PLCB4: variants seen among roughly 807,000 people sequenced by gnomAD.
The protein encoded by PLCB4 is phospholipase C beta 4, also known as 1-phosphatidylinositol 4,5-bisphosphate phosphodiesterase beta-4.
In PLCB4, 77 loss-of-function variants were observed where a neutral mutation model predicts 178.8. That is an observed-to-expected ratio of 0.43 (90% confidence interval 0.36 to 0.52). The LOEUF is 0.52. Ranked by LOEUF, PLCB4 falls within the 20% of genes least tolerant of loss-of-function variation. PLCB4 has a pLI of 0.00. For synonymous variants in PLCB4, 496 were observed against 490.8 expected, an observed-to-expected ratio of 1.01 and a Z score of -0.14; for missense variants, 1,024 against 1,453.4, an observed-to-expected ratio of 0.70 and a Z score of 4.80.
intron 2 of PLCB4, among the ~76,000 whole-genome samples, chr20:9,127,517 G>A (rs1188903874): frequency 6.6e-6 from 1 of 152,040 alleles, no homozygotes; most frequent in Non-Finnish European, 1.5e-5. Flanking sequence ...TTCTATGGAT[G>A]GTTTTCCTTG....
chr20:9,323,638 C>T (rs573885225), intron 4 of PLCB4, among the ~76,000 whole-genome samples: 1 of 152,318 alleles, frequency 6.6e-6, no homozygotes, highest in African/African-American at 2.4e-5. Flanking sequence ...GCCAGAGACA[C>T]TATCTGTGGC....
chr20:9,294,233 G>C (rs1468605819), intron 3 of PLCB4, among the ~76,000 whole-genome samples: 1 of 152,138 alleles, frequency 6.6e-6, no homozygotes, highest in Non-Finnish European at 1.5e-5. Flanking sequence ...GTAACTGCTT[G>C]AAGTTATTTA....
intron 25 of PLCB4, among the ~76,000 whole-genome samples, chr20:9,413,384 G>A (rs1210111912): frequency 2.0e-5 from 3 of 150,000 alleles, no homozygotes; most frequent in African/African-American, 2.5e-5. Context: ...AGGCCGAGGC[G>A]GGCAGTGGCT....
chr20:9,361,554 G>A (rs1255714849), intron 7 of PLCB4, among the ~76,000 whole-genome samples: 1 of 152,168 alleles, frequency 6.6e-6, no homozygotes, highest in Non-Finnish European at 1.5e-5. Flanking sequence ...TTCTGGAGAT[G>A]GCTGGTTATG....
chr20:9,393,771 T>C, intron 18 of PLCB4, 93 bp downstream of exon 18: 1 of 822,362 alleles, frequency 1.2e-6, no homozygotes, highest in Middle Eastern at 2.3e-4. Flanking sequence ...AAACCACTGA[T>C]TTTTGGGGGA....
Position 9,411,073 on chromosome 20 carries a change from A to G in PLCB4, c.2036A>G (p.Tyr679Cys). The G allele has an allele frequency of 1.2e-6, 2 of 1,609,800 alleles. No individual in the cohort carries two copies. Among genetic ancestry groups the G allele is most frequent in the Non-Finnish European group, 1.7e-6 (2 of 1,176,154 alleles). The stretch of plus-strand genomic sequence containing the variant: ...CAATTGAATCAGGGAAAATTTGAGT[A>G]TAATGGATCGTGCGGGTGAGTAATA... ...AMQLNQGKFEYNGSCGYLLKP... is the reference protein window; with the variant it reads ...AMQLNQGKFECNGSCGYLLKP... The change falls in exon 25 of 40, where the codon TAT (tyrosine) becomes TGT (cysteine). Residue 679 changes from tyrosine (Y) to cysteine (C), a missense_variant. By Grantham distance (194) the Tyr-to-Cys change is radical (BLOSUM62 -2). Around this residue, in one of 7 missense-constraint regions of PLCB4, gnomAD observed 227 missense variants for 374.3 expected, o/e 0.61. Coordinates refer to ENST00000378473, the MANE Select transcript of PLCB4 (RefSeq NM_001377142.1).
chr20:9,141,954 A>G (rs576695489), intron 2 of PLCB4, among the ~76,000 whole-genome samples: 3 of 152,220 alleles, frequency 2.0e-5, no homozygotes, highest in African/African-American at 7.2e-5. Flanking sequence ...TTCACACACC[A>G]AAGGCAGTGA....
chr20:9,281,284 C>T (rs1296097242), intron 3 of PLCB4, among the ~76,000 whole-genome samples: 1 of 151,864 alleles, frequency 6.6e-6, no homozygotes, highest in African/African-American at 2.4e-5. Context: ...TATACAGATT[C>T]AATGTGAAAG....
At chr20:9,376,093 T>C (rs1053199044) in intron 12 of PLCB4, among the ~76,000 whole-genome samples, 1 of 152,100 alleles carries the variant, frequency 6.6e-6, no homozygotes, top group Non-Finnish European at 1.5e-5. Context: ...ATCCATGCAA[T>C]CAACACTGAC....
chr20:9,233,378 C>A (rs916133085), intron 3 of PLCB4, among the ~76,000 whole-genome samples: 1 of 151,864 alleles, frequency 6.6e-6, no homozygotes, highest in African/African-American at 2.4e-5. Context: ...GAGCAATGTA[C>A]AAAGACACAT....
intron 3 of PLCB4, among the ~76,000 whole-genome samples, chr20:9,296,795 G>A (rs1601677489): frequency 6.6e-6 from 1 of 152,060 alleles, no homozygotes; most frequent in Non-Finnish European, 1.5e-5. Context: ...ACTTATAGGT[G>A]GGAATTGAAC....
chr20:9,252,469 GAAA>G lies in PLCB4; in HGVS notation c.-16+35019_-16+35021del, dbSNP rs575399095. Among the ~76,000 whole-genome samples, 200 of 152,322 alleles carry G rather than the reference GAAA, an allele frequency of 1.3e-3. 1 individual carries two copies. Among genetic ancestry groups the G allele is most frequent in the African/African-American group, 4.6e-3 (190 of 41,564 alleles). ...ATTTAGATTTAATGTGGGAACTTTA[GAAA>G]ATACTGTTGCCTGCACCCTATCCCA... On this transcript the variant is annotated intron_variant, in intron 3 of 39. Coordinates refer to ENST00000378473, the MANE Select transcript of PLCB4 (RefSeq NM_001377142.1).
intron 1 of PLCB4, among the ~76,000 whole-genome samples, chr20:9,079,087 T>G (rs2090020291): frequency 6.6e-6 from 1 of 152,220 alleles, no homozygotes; most frequent in South Asian, 2.1e-4. Flanking sequence ...ACCTTGCATA[T>G]TCAAGAAAGT....
At chr20:9,391,598 C>A (rs1016120238) in intron 17 of PLCB4, among the ~76,000 whole-genome samples, 1 of 152,134 alleles carries the variant, frequency 6.6e-6, no homozygotes, top group Admixed American at 6.5e-5. Context: ...TCCTTTGTCC[C>A]CCTTCCTTCT....
intron 28 of PLCB4, among the ~76,000 whole-genome samples, chr20:9,428,223 TA>T (rs1434437356): frequency 6.6e-6 from 1 of 152,146 alleles, no homozygotes; most frequent in Non-Finnish European, 1.5e-5. Context: ...TCCTCTTCCT[TA>T]AGGGTGCTAA....
chr20:9,183,517 T>C (rs1468861378), intron 2 of PLCB4, among the ~76,000 whole-genome samples: 1 of 152,192 alleles, frequency 6.6e-6, no homozygotes, highest in Non-Finnish European at 1.5e-5. Flanking sequence ...AGTTTCAGTT[T>C]TGGAGTAGTA....
chr20:9,395,299 A>T (rs1404027958), intron 18 of PLCB4, among the ~76,000 whole-genome samples: 1 of 152,186 alleles, frequency 6.6e-6, no homozygotes, highest in African/African-American at 2.4e-5. Context: ...GCAATTCTTC[A>T]TCATGTGTAT....
At chr20:9,171,556 G>T (rs1363059255) in intron 2 of PLCB4, among the ~76,000 whole-genome samples, 1 of 152,062 alleles carries the variant, frequency 6.6e-6, no homozygotes, top group Non-Finnish European at 1.5e-5. Context: ...TTAATTTATA[G>T]TTGCTTTTCT....
chr20:9,154,915 CCTTCCT>C (rs1568853090), intron 2 of PLCB4, among the ~76,000 whole-genome samples: 5 of 118,306 alleles, frequency 4.2e-5, no homozygotes, highest in Admixed American at 8.8e-5. Context: ...CTCCTTCCTT[CCTTCCT>C]TCCTTCCTTC....
Sources: gnomAD v4.1 joint callset for allele counts (sites outside exome capture counted in the v4.1 genomes callset) on GRCh38, gnomAD v4.1.1 for gene constraint, gnomAD v4.1.1 regional missense constraint, MANE v1.5 for transcripts, NCBI Gene and HGNC (gene_info 2026-07-23, HGNC 2026-07-21) for gene names.